Variants in ATN1 observed in about 807,000 individuals in gnomAD.
ATN1 encodes atrophin 1, also known as atrophin-1.
A neutral mutation model predicts 85.8 loss-of-function variants in ATN1; 19 were observed. The ratio of observed to expected loss-of-function variants is 0.22; its 90% CI spans 0.15 to 0.32. ATN1 has a LOEUF of 0.32. Among genes scored for constraint, ATN1 ranks in the 10% least tolerant of loss-of-function variants. The probability of loss-of-function intolerance (pLI) is 1.00; values close to 1 mark genes in which losing one functional copy is unlikely to be tolerated. For synonymous variants in ATN1, 674 were observed against 657.0 expected (o/e 1.03, Z -0.39); for missense variants, 1,453 against 1,564.5 (o/e 0.93, Z 1.20).
At position 6,936,139 on chromosome 12, in the gene ATN1, C is replaced by T. The variant is rs2138211918; in HGVS notation, c.872C>T (p.Pro291Leu). 1 of 1,532,638 alleles carries T rather than the reference C, an allele frequency of 6.5e-7. No homozygotes were observed. Among genetic ancestry groups the T allele is most frequent in the Non-Finnish European group, 8.8e-7 (1 of 1,140,794 alleles). 94.9% of individuals were successfully genotyped at this position (1,532,638 alleles called of 1,614,324 possible). The change falls in exon 5 of 10, where the codon CCA (proline) becomes CTA (leucine). Residue 291 changes from proline (P) to leucine (L), a missense_variant. Physicochemically the swap from Pro to Leu is moderately conservative, Grantham distance 98 (BLOSUM62 -3). Transcript: ENST00000396684. ...GGGNLPSAPP[P>L]ANFPHVTPNL... Reference sequence around the variant, plus strand: ...GGGAACCTACCTTCTGCTCCACCACCAGCCAACTTCCCCCATGTGACACCG... The same window carrying T: ...GGGAACCTACCTTCTGCTCCACCACTAGCCAACTTCCCCCATGTGACACCG...
chr12:6,940,880 C>G lies in ATN1; in HGVS notation c.3215C>G (p.Ala1072Gly), dbSNP rs1555144537. The part of the protein sequence containing the change: ...HLHQQDAIHA[A>G]SASVHPLIDP... ...CACCTTCCTCTTCTCTGCCCTCCAG[C>G]CTCTGCCTCGGTGCACCCTCTCATT... The change falls in exon 8 of 10, where the codon GCC becomes GGC. Residue 1072 changes from alanine to glycine, a missense_variant and splice_region_variant. Transcript: ENST00000396684. 1.2e-6 allele frequency: 2 copies of G among 1,614,194 alleles called. No homozygotes were observed. Among genetic ancestry groups the G allele is most frequent in the South Asian group, 2.2e-5 (2 of 91,086 alleles).
chr12:6,927,640 C>G (rs1303464061), upstream of ATN1, among the ~76,000 whole-genome samples: 9 of 151,714 alleles, frequency 5.9e-5, no homozygotes, highest in Admixed American at 4.6e-4. Context: ...GCGCCTCCCC[C>G]TCTCCGGCTC....
upstream of ATN1, among the ~76,000 whole-genome samples, chr12:6,925,581 G>A (rs1447770258): frequency 6.6e-6 from 1 of 152,184 alleles, no homozygotes; most frequent in Non-Finnish European, 1.5e-5. Context: ...TGTGCTTGGA[G>A]TGGTAAAGTG....
chr12:6,941,469 C>T lies in ATN1; in HGVS notation c.3454C>T (p.Arg1152Cys), dbSNP rs781906555. ...GCACGCACAGTCAGCTGAGCTGCAG[C>T]GCTTGGCGCTGGAACAGCAGCAGTG... ...AMHAQSAELQ[R>C]LALEQQQWLH... Residue 1152 changes from arginine to cysteine, a missense_variant, in exon 9 of 10, where the codon CGC becomes TGC. By Grantham distance (180) the Arg-to-Cys change is radical. Around this residue, in one of 6 missense-constraint regions of ATN1, gnomAD observed 118 missense variants for 163.7 expected, o/e 0.72. Transcript: ENST00000396684. This position sits in a 1 kb window ranked among gnomAD's most constrained non-coding sequence, Gnocchi z 5.9. 1.2e-5 allele frequency: 20 copies of T among 1,612,742 alleles called. No homozygotes were observed. The highest frequency in any genetic ancestry group is 3.3e-5 in the Admixed American group (2 of 59,948).
rs1555143819 is a variant in ATN1, at chr12:6,936,845, C to G, written c.1578C>G (p.His526Gln). 2 of 1,613,924 alleles carry G rather than the reference C, an allele frequency of 1.2e-6. No individual in the cohort carries two copies. The highest frequency in any genetic ancestry group is 2.7e-5 in the African/African-American group (2 of 74,864). The change falls in exon 5 of 10, where the codon CAC becomes CAG. Residue 526 changes from histidine to glutamine, a missense_variant. Around this residue, in one of 6 missense-constraint regions of ATN1, gnomAD observed 990 missense variants for 914.8 expected, o/e 1.08. Coordinates refer to ENST00000396684, the MANE Select transcript of ATN1 (RefSeq NM_001940.4). ...CACTGGAGGGCGGTAGCTCCCACCACGCACACCCTTACGCCATGTCTCCCT... is the reference window on the plus strand; with the variant it reads ...CACTGGAGGGCGGTAGCTCCCACCAGGCACACCCTTACGCCATGTCTCCCT... ...PHPLEGGSSH[H>Q]AHPYAMSPSL...
rs1945576497 is a variant in ATN1, at chr12:6,938,036, G to A, written c.2486G>A (p.Arg829His). 6.5e-7 allele frequency: 1 copy of A among 1,545,038 alleles called. No individual in the cohort carries two copies. Among genetic ancestry groups the A allele is most frequent in the Non-Finnish European group, 8.7e-7 (1 of 1,145,994 alleles). Residue 829 changes from arginine to histidine, a missense_variant, in exon 6 of 10, where the codon CGC (arginine) becomes CAC (histidine). Physicochemically the swap from Arg to His is conservative, Grantham distance 29 (BLOSUM62 0). This residue lies in a region of ATN1 where 990 missense variants were observed against 914.8 expected (regional missense o/e 1.08). Transcript: ENST00000396684. ...REREREKEREREKERELERSV... is the reference protein window; with the variant it reads ...REREREKEREHEKERELERSV... Reference sequence around the variant, plus strand: ...CGGGAACGCGAGAAAGAGCGCGAGCGCGAGAAGGAGCGCGAGCTTGAACGC... The same window carrying A: ...CGGGAACGCGAGAAAGAGCGCGAGCACGAGAAGGAGCGCGAGCTTGAACGC...
intron 6 of ATN1, among the ~76,000 whole-genome samples, 193 bp downstream of exon 6, chr12:6,938,260 C>A (rs1945580708): frequency 1.3e-5 from 2 of 152,230 alleles, no homozygotes. Flanking sequence ...GAGCCATCTG[C>A]ATTCCTGGGT....
rs761806306 is a variant in ATN1, at chr12:6,934,387, A to C, written c.165+74A>C. 1 of 1,602,288 alleles carries C rather than the reference A, an allele frequency of 6.2e-7. No individual in the cohort carries two copies. Among genetic ancestry groups the C allele is most frequent in the African/African-American group, 1.3e-5 (1 of 74,488 alleles). ...GAGGGTGTGTGTGTGTTGTGGGGGAACTTCCTGTTTGGCAGAGGGTAACGG... is the reference window on the plus strand; with the variant it reads ...GAGGGTGTGTGTGTGTTGTGGGGGACCTTCCTGTTTGGCAGAGGGTAACGG... On this transcript the variant is annotated intron_variant, in intron 3 of 9. Transcript: ENST00000396684. This position sits in a 1 kb window ranked among gnomAD's most constrained non-coding sequence, Gnocchi z 4.5.
At chr12:6,931,715 CAAAAAAAAAAAA>C (rs1197799382) in intron 1 of ATN1, among the ~76,000 whole-genome samples, 1 of 57,420 alleles carries the variant, frequency 1.7e-5, no homozygotes, top group South Asian at 5.8e-4. Context: ...AGATCCATCT[CAAAAAAAAAAAA>C]AAGGAAAAAA....
At position 6,938,987 on chromosome 12, in the gene ATN1, G is replaced by A. The variant is rs1555144320; in HGVS notation, c.3024G>A (p.Gly1008=). The change falls in exon 7 of 10, where the codon GGG becomes GGA. Residue 1008 remains glycine (G), a synonymous_variant. Coordinates refer to ENST00000396684, the MANE Select transcript of ATN1 (RefSeq NM_001940.4). ...LERERLALAA[G]PALRPDMSYA... The stretch of plus-strand genomic sequence containing the variant: ...GAGAACGTCTAGCGCTGGCAGCTGG[G>A]CCAGCCCTGCGGCCTGACATGTCCT... 1.2e-6 allele frequency: 2 copies of A among 1,613,036 alleles called. No individual in the cohort carries two copies. The highest frequency in any genetic ancestry group is 1.7e-6 in the Non-Finnish European group (2 of 1,179,994).
rs782017738 is a variant in ATN1, at chr12:6,933,373, C to T, written c.-162-467C>T. ...CTGGGATTACAGGCACGTGCCACCA[C>T]GCCTGGCTGGGTTTCACCATGTTGG... On this transcript the variant is annotated intron_variant, in intron 1 of 9. Transcript: ENST00000396684. 1.1e-4 allele frequency among the ~76,000 whole-genome samples: 16 copies of T among 152,154 alleles called. No individual in the cohort carries two copies. In the South Asian group the frequency reaches 2.5e-3, roughly 24 times the overall value.
Position 6,936,976 on chromosome 12 carries a change from C to T in ATN1, c.1709C>T (p.Ser570Phe). Residue 570 changes from serine (S) to phenylalanine (F), a missense_variant, in exon 5 of 10, where the codon TCC becomes TTC. Transcript: ENST00000396684. ...QAGPNGPPVS[S>F]SSNSSSSTSQ... ...GGCCCCAATGGCCCTCCAGTCTCTT[C>T]CTCTTCCAACTCTTCCTCTTCCACT... 6.2e-7 allele frequency: 1 copy of T among 1,613,630 alleles called. No individual in the cohort carries two copies. Among genetic ancestry groups the T allele is most frequent in the South Asian group, 1.1e-5 (1 of 91,014 alleles).
In ATN1 at chr12:6,936,728, A is replaced by ACAGCAGCAACAGCAG. The variant is rs782630098; in HGVS notation, c.1469_1470insACAGCAGCAGCAGCA (p.Gln498_Gln502dup). Reference sequence around the variant, plus strand: ...ATCACCATCACCACCAGCAACAGCAACAGCAGCAGCAGCAGCAGCAGCAGC... The same window carrying ACAGCAGCAACAGCAG: ...ATCACCATCACCACCAGCAACAGCAACAGCAGCAACAGCAGCAGCAGCAGCAGCAGCAGCAGCAGC... On this transcript the variant is annotated inframe_insertion, in exon 5 of 10. Transcript: ENST00000396684. 1.3e-6 allele frequency: 2 copies of ACAGCAGCAACAGCAG among 1,520,678 alleles called. No homozygotes were observed. The highest frequency in any genetic ancestry group is 2.9e-5 in the African/African-American group (2 of 68,860). The allele number at this position is 1,520,678 out of a possible 1,614,324, so 94.2% of individuals were successfully genotyped here.
chr12:6,933,857 T>A lies in ATN1; in HGVS notation c.-145T>A. 1 of 886,126 alleles carries A rather than the reference T, an allele frequency of 1.1e-6. No individual in the cohort carries two copies. The highest frequency in any genetic ancestry group is 1.8e-6 in the Non-Finnish European group (1 of 565,906). 54.9% of individuals were successfully genotyped at this position (886,126 alleles called of 1,614,324 possible). On this transcript the variant is annotated 5_prime_UTR_variant, in exon 2 of 10. Coordinates refer to ENST00000396684, the MANE Select transcript of ATN1 (RefSeq NM_001940.4). ...TCTAACAGGTTTCATTGAAAACAGA[T>A]CCTGCAAAAGTTCCAGGTGCCCACA...
At position 6,934,646 on chromosome 12, in the gene ATN1, A is replaced by G; in HGVS notation, c.279+68A>G. ...TCTTTTCTCAGACTTGCTTATGCTC[A>G]CTATTCTTAGCTGGATCTCTCCTGG... On this transcript the variant is annotated intron_variant, in intron 4 of 9. Transcript: ENST00000396684. This position sits in a 1 kb window ranked among gnomAD's most constrained non-coding sequence, Gnocchi z 4.5. The G allele has an allele frequency of 4.2e-6, 5 of 1,179,728 alleles. No individual in the cohort carries two copies. Among genetic ancestry groups the G allele is most frequent in the Non-Finnish European group, 6.2e-6 (5 of 810,078 alleles). The allele number at this position is 1,179,728 out of a possible 1,614,324, so 73.1% of individuals were successfully genotyped here. A position where few individuals can be genotyped will look rare whatever the true frequency, so the allele number is the denominator to read the frequency against.
chr12:6,941,669 C>A lies in ATN1; in HGVS notation c.3540-78C>A. On this transcript the variant is annotated intron_variant, in intron 9 of 9. Coordinates refer to ENST00000396684, the MANE Select transcript of ATN1 (RefSeq NM_001940.4). The surrounding 1 kb of genome is among the most constrained non-coding windows in gnomAD (Gnocchi z 5.9). ...GGGGAGGGAACCCCTCCTCTCCCAA[C>A]CCCTTCGGTAAGAGGGGGCAAGGTC... is the stretch of plus-strand genomic sequence containing the variant. 6.3e-7 allele frequency: 1 copy of A among 1,591,944 alleles called. No homozygotes were observed. Among genetic ancestry groups the A allele is most frequent in the South Asian group, 1.1e-5 (1 of 90,614 alleles).
At chr12:6,939,848 C>A (rs1217224710) in intron 7 of ATN1, among the ~76,000 whole-genome samples, 4 of 152,152 alleles carry the variant, frequency 2.6e-5, no homozygotes, top group Non-Finnish European at 5.9e-5. Context: ...TCATTTTTTG[C>A]CATTTTCTCC....
Position 6,936,287 on chromosome 12 carries a change from T to C in ATN1, c.1020T>C (p.Gly340=). ...PSPHAMGQGM[G]GLPPGPEKGP... ...CCCACGCCATGGGACAGGGTATGGG[T>C]GGACTTCCTCCTGGCCCAGAGAAGG... The change falls in exon 5 of 10, where the codon GGT becomes GGC. Residue 340 remains glycine, a synonymous_variant. Transcript: ENST00000396684. The C allele has an allele frequency of 1.2e-6, 2 of 1,613,774 alleles. No homozygotes were observed. The highest frequency in any genetic ancestry group is 4.5e-5 in the East Asian group (2 of 44,880).
At chr12:6,925,183 G>C (rs749800849), upstream of ATN1, among the ~76,000 whole-genome samples, 1 of 151,788 alleles carries the variant, frequency 6.6e-6, no homozygotes, top group Non-Finnish European at 1.5e-5. Flanking sequence ...TGGACTATAA[G>C]CCTGGCCCTC....
Sources: allele counts gnomAD v4.1 joint callset (sites outside exome capture counted in the v4.1 genomes callset), GRCh38; gene constraint gnomAD v4.1.1; regional missense constraint gnomAD v4.1.1; non-coding constraint Gnocchi (gnomAD v3.1); transcripts MANE v1.5; gene names NCBI Gene and HGNC (gene_info 2026-07-23, HGNC 2026-07-21).